The following VMP1 variants were observed in gnomAD, a reference collection of about 807,000 sequenced individuals.
VMP1 encodes the protein vacuole membrane protein 1.
Under a neutral mutation model 56.0 loss-of-function variants are expected in VMP1, and 11 were observed. The ratio of observed to expected loss-of-function variants is 0.20; its 90% CI spans 0.12 to 0.32. The LOEUF (loss-of-function observed/expected upper bound fraction) is 0.32. Among genes scored for constraint, VMP1 ranks in the 10% least tolerant of loss-of-function variants. The pLI is 1.00. For missense variants in VMP1, 296 were observed against 490.3 expected (o/e 0.60, Z 3.74); for synonymous variants, 149 against 165.0 (o/e 0.90, Z 0.74).
At chr17:59,777,848 CAAAA>C (rs2036678578) in intron 7 of VMP1, among the ~76,000 whole-genome samples, 1 of 149,468 alleles carries the variant, frequency 6.7e-6, no homozygotes, top group African/African-American at 2.5e-5. Flanking sequence ...CAAAACAAAA[CAAAA>C]CAAAAAAACA....
At chr17:59,716,600 G>A (rs1426327952) in intron 1 of VMP1, among the ~76,000 whole-genome samples, 1 of 152,138 alleles carries the variant, frequency 6.6e-6, no homozygotes, top group African/African-American at 2.4e-5. Flanking sequence ...ATATGCTGCC[G>A]ACTTGCTATT....
At chr17:59,726,029 A>C (rs1356687220) in intron 1 of VMP1, among the ~76,000 whole-genome samples, 1 of 152,182 alleles carries the variant, frequency 6.6e-6, no homozygotes, top group African/African-American at 2.4e-5. Flanking sequence ...AGTGTTTTGT[A>C]GGAGAAAGGT....
chr17:59,794,059 T>C (rs1434875842), intron 7 of VMP1, among the ~76,000 whole-genome samples: 1 of 151,472 alleles, frequency 6.6e-6, no homozygotes, highest in Non-Finnish European at 1.5e-5. Context: ...TAGCTGGGAC[T>C]ACAAGCACCT....
At chr17:59,826,758 T>C (rs1288394220) in intron 10 of VMP1, among the ~76,000 whole-genome samples, 1 of 152,200 alleles carries the variant, frequency 6.6e-6, no homozygotes, top group Non-Finnish European at 1.5e-5. Flanking sequence ...TTGATTATCC[T>C]CATGAACCAG....
chr17:59,711,143 A>G (rs1284387674), intron 1 of VMP1, among the ~76,000 whole-genome samples: 4 of 151,982 alleles, frequency 2.6e-5, no homozygotes, highest in African/African-American at 9.7e-5. Context: ...TACAAAAAAA[A>G]AAACCTCCCC....
At chr17:59,731,558 G>T in intron 2 of VMP1, 36 bp downstream of exon 2, 2 of 1,440,444 alleles carry the variant, frequency 1.4e-6, no homozygotes, top group South Asian at 2.8e-5. Flanking sequence ...GAGTGCTATG[G>T]GTTTAAATGA....
chr17:59,732,309 G>A (rs1415539712), intron 2 of VMP1, among the ~76,000 whole-genome samples: 1 of 152,116 alleles, frequency 6.6e-6, no homozygotes, highest in South Asian at 2.1e-4. Context: ...GCAATGGTGC[G>A]ATCTTGGCTC....
intron 10 of VMP1, among the ~76,000 whole-genome samples, chr17:59,832,182 CTT>C (rs766864144): frequency 5.6e-4 from 58 of 102,786 alleles, no homozygotes; most frequent in African/African-American, 2.3e-3. Context: ...ATGAGATCAA[CTT>C]TTTTTTTTTT....
At chr17:59,797,615 G>A (rs986690407) in intron 7 of VMP1, among the ~76,000 whole-genome samples, 5 of 152,302 alleles carry the variant, frequency 3.3e-5, no homozygotes, top group Admixed American at 6.5e-5. Flanking sequence ...AGTGGCTCAC[G>A]CCTGTAATCC....
chr17:59,795,637 C>T (rs976986278), intron 7 of VMP1, among the ~76,000 whole-genome samples: 4 of 151,572 alleles, frequency 2.6e-5, no homozygotes, highest in Non-Finnish European at 4.4e-5. Context: ...TGGTGAAATC[C>T]TCTCTCTACC....
intron 1 of VMP1, among the ~76,000 whole-genome samples, chr17:59,726,109 TTTAC>T (rs1018658894): frequency 1.3e-5 from 2 of 152,126 alleles, no homozygotes; most frequent in African/African-American, 4.8e-5. Context: ...TTAAATAAAT[TTTAC>T]TTACTGTGAT....
chr17:59,807,693 G>A (rs904861420), intron 7 of VMP1, among the ~76,000 whole-genome samples: 15 of 151,862 alleles, frequency 9.9e-5, no homozygotes, highest in Non-Finnish European at 1.9e-4. Context: ...TTAGCTGGGC[G>A]TGGTGGCAGG....
At chr17:59,771,281 T>C (rs987217092) in intron 6 of VMP1, among the ~76,000 whole-genome samples, 5 of 151,932 alleles carry the variant, frequency 3.3e-5, no homozygotes, top group African/African-American at 1.2e-4. Flanking sequence ...TAAACAATCC[T>C]CCCACCTCAG....
At chr17:59,817,615 G>T (rs904322699) in intron 9 of VMP1, 97 bp from the exon 10 acceptor site, 2 of 800,740 alleles carry the variant, frequency 2.5e-6, no homozygotes, top group Non-Finnish European at 3.9e-6. Context: ...GCAATTAGGG[G>T]CACAATCTTA....
chr17:59,829,928 T>C (rs1198251561), intron 10 of VMP1, among the ~76,000 whole-genome samples: 1 of 152,240 alleles, frequency 6.6e-6, no homozygotes, highest in East Asian at 1.9e-4. Context: ...TCTACTCCTG[T>C]GCTCCTGGGC....
chr17:59,822,371 C>T (rs1008184875), intron 10 of VMP1, among the ~76,000 whole-genome samples: 18 of 149,348 alleles, frequency 1.2e-4, no homozygotes, highest in Non-Finnish European at 3.0e-5. Context: ...CTGTGTCGCC[C>T]AGGCTGGAGT....
intron 6 of VMP1, among the ~76,000 whole-genome samples, chr17:59,770,711 G>C (rs1329892047): frequency 6.6e-6 from 1 of 151,710 alleles, no homozygotes; most frequent in Non-Finnish European, 1.5e-5. Flanking sequence ...CTCCCGAGTA[G>C]CTGGGATTAT....
chr17:59,760,348 A>C (rs547718278), intron 5 of VMP1, among the ~76,000 whole-genome samples: 1 of 152,086 alleles, frequency 6.6e-6, no homozygotes, highest in African/African-American at 2.4e-5. Context: ...GTAAATCCAC[A>C]GTACTGTTTT....
At chr17:59,831,408 A>T in intron 10 of VMP1, among the ~76,000 whole-genome samples, 1 of 152,026 alleles carries the variant, frequency 6.6e-6, no homozygotes, top group East Asian at 1.9e-4. Flanking sequence ...CTTGGCCTCA[A>T]GTCCTCCTGC....
Sources: allele counts gnomAD v4.1 joint callset (sites outside exome capture counted in the v4.1 genomes callset), GRCh38; gene constraint gnomAD v4.1.1; transcripts MANE v1.5; gene names NCBI Gene and HGNC (gene_info 2026-07-23, HGNC 2026-07-21).